PDXDC1: variants seen among roughly 807,000 people sequenced by gnomAD.
PDXDC1 encodes the protein pyridoxal dependent decarboxylase domain containing 1.
Under a neutral mutation model 100.1 loss-of-function variants are expected in PDXDC1, and 42 were observed. The observed-to-expected ratio is 0.42, with a 90% CI of 0.33 to 0.54. PDXDC1 has a LOEUF of 0.54. Ranked by LOEUF, PDXDC1 falls within the 20% of genes least tolerant of loss-of-function variation. PDXDC1 has a pLI of 0.10. For missense variants in PDXDC1, 636 were observed against 979.2 expected, an observed-to-expected ratio of 0.65 and a Z score of 4.68; for synonymous variants, 260 against 371.7, an observed-to-expected ratio of 0.70 and a Z score of 3.46.
intron 16 of PDXDC1, among the ~76,000 whole-genome samples, chr16:15,087,265 T>G (rs575665323): frequency 2.2e-4 from 33 of 152,328 alleles, no homozygotes; most frequent in Non-Finnish European, 4.0e-4. Context: ...ATACACCATA[T>G]GCCAGGCATG....
At chr16:15,130,436 C>G in intron 16 of PDXDC1, 1 of 1,488,250 alleles carries the variant, frequency 6.7e-7, no homozygotes, top group South Asian at 1.1e-5. Flanking sequence ...GACGGTAACT[C>G]CCCACTGGGT....
chr16:15,019,443 G>A (rs1168387540), intron 12 of PDXDC1, among the ~76,000 whole-genome samples: 1 of 152,300 alleles, frequency 6.6e-6, no homozygotes, highest in Non-Finnish European at 1.5e-5. Context: ...TGTTCTAATT[G>A]TGAAAAATAT....
intron 14 of PDXDC1, among the ~76,000 whole-genome samples, chr16:15,027,392 T>C (rs2042694875): frequency 6.6e-6 from 1 of 152,398 alleles, no homozygotes; most frequent in East Asian, 1.9e-4. Context: ...AGCGGGCATG[T>C]GTTACAGTGT....
At chr16:15,017,021 A>C (rs1241338798) in intron 9 of PDXDC1, 99 bp from the exon 10 acceptor site, 1 of 1,215,356 alleles carries the variant, frequency 8.2e-7, no homozygotes, top group African/African-American at 1.5e-5. Context: ...AAATATACTT[A>C]AGTGTCAACT....
chr16:15,080,328 T>C (rs2045645794), intron 16 of PDXDC1, among the ~76,000 whole-genome samples: 1 of 152,242 alleles, frequency 6.6e-6, no homozygotes, highest in Non-Finnish European at 1.5e-5. Context: ...GGTTTTTAAG[T>C]AGCTGTATTG....
downstream of PDXDC1, among the ~76,000 whole-genome samples, chr16:15,144,103 A>G (rs2048516882): frequency 6.6e-6 from 1 of 151,970 alleles, no homozygotes; most frequent in Non-Finnish European, 1.5e-5. Context: ...CTCCTGGAGG[A>G]GCCGGTTCCC....
chr16:15,083,057 T>C (rs2045769887), intron 16 of PDXDC1, among the ~76,000 whole-genome samples: 1 of 152,048 alleles, frequency 6.6e-6, no homozygotes, highest in Admixed American at 6.6e-5. Context: ...GGAATCTGAG[T>C]CAAATTCTTA....
chr16:15,147,445 G>A, the PDXDC1 span, among the ~76,000 whole-genome samples: 1 of 152,216 alleles, frequency 6.6e-6, no homozygotes, highest in Non-Finnish European at 1.5e-5. Context: ...GCAGTGCCGT[G>A]ATGAGCTATG....
chr16:15,100,585 C>T (rs952227367), intron 16 of PDXDC1, among the ~76,000 whole-genome samples: 1 of 152,132 alleles, frequency 6.6e-6, no homozygotes, highest in African/African-American at 2.4e-5. Flanking sequence ...CAGTAGATGA[C>T]AGTAGCACTC....
downstream of PDXDC1, chr16:15,038,534 G>T: frequency 9.1e-7 from 1 of 1,102,990 alleles, no homozygotes; most frequent in African/African-American, 1.6e-5. Flanking sequence ...GGAAACCAGG[G>T]TGCAGAGATT....
intron 1 of PDXDC1, among the ~76,000 whole-genome samples, chr16:14,979,851 T>G (rs1277510712): frequency 6.6e-6 from 1 of 152,300 alleles, no homozygotes; most frequent in Non-Finnish European, 1.5e-5. Flanking sequence ...GCTCCTTCCT[T>G]AAAAAGCATG....
intron 1 of PDXDC1, among the ~76,000 whole-genome samples, chr16:14,991,751 G>T (rs1452055278): frequency 6.6e-6 from 1 of 152,064 alleles, no homozygotes; most frequent in East Asian, 1.9e-4. Flanking sequence ...CAAACTCCCG[G>T]ACTCAACTGA....
intron 16 of PDXDC1, among the ~76,000 whole-genome samples, chr16:15,054,765 G>T (rs996237012): frequency 6.6e-6 from 1 of 152,192 alleles, no homozygotes; most frequent in Non-Finnish European, 1.5e-5. Flanking sequence ...TACACTCTGA[G>T]GATACAAAAG....
intron 1 of PDXDC1, among the ~76,000 whole-genome samples, chr16:14,984,106 G>A (rs1466444578): frequency 1.1e-4 from 17 of 152,168 alleles, no homozygotes; most frequent in African/African-American, 3.4e-4. Flanking sequence ...GAGGCTGCAG[G>A]GAGCCACGAT....
intron 16 of PDXDC1, among the ~76,000 whole-genome samples, chr16:15,091,559 T>A (rs1438734354): frequency 6.6e-6 from 1 of 151,596 alleles, no homozygotes; most frequent in Non-Finnish European, 1.5e-5. Flanking sequence ...GCCAGAGGGC[T>A]TGGAAAAAGG....
intron 8 of PDXDC1, among the ~76,000 whole-genome samples, chr16:15,014,016 G>A (rs2151473752): frequency 6.6e-6 from 1 of 152,358 alleles, no homozygotes; most frequent in South Asian, 2.1e-4. Context: ...AGACCAGCCT[G>A]GCCAAAATGG....
At chr16:15,091,386 G>A (rs751422470) in intron 16 of PDXDC1, 17 of 1,564,506 alleles carry the variant, frequency 1.1e-5, no homozygotes, top group Admixed American at 6.9e-5. Context: ...ACAAGAAGGG[G>A]AAAGAATTAA....
At chr16:15,125,057 C>T (rs1326558990) in intron 16 of PDXDC1, among the ~76,000 whole-genome samples, 1 of 135,212 alleles carries the variant, frequency 7.4e-6, no homozygotes, top group African/African-American at 2.8e-5. Flanking sequence ...TGAGGCAGGA[C>T]AATCCCTTGA....
In PDXDC1 at chr16:15,068,180, A is replaced by C. The variant is rs1336860342; in HGVS notation, c.1399+38124A>C. ...CGTAAATAACTTACTTTGTGATTGC[A>C]GCAAAAAAGTTAACCACTGAGGGCA... On this transcript the variant is annotated intron_variant, in intron 16 of 16. Transcript: ENST00000535621. 1.9e-6 allele frequency: 3 copies of C among 1,583,614 alleles called. No homozygotes were observed. In the African/African-American group the frequency reaches 4.1e-5, roughly 22 times the overall value.
Sources: allele counts gnomAD v4.1 joint callset (sites outside exome capture counted in the v4.1 genomes callset), GRCh38; gene constraint gnomAD v4.1.1; transcripts MANE v1.5; gene names NCBI Gene and HGNC (gene_info 2026-07-23, HGNC 2026-07-21).